The following NRXN3 variants were observed in gnomAD, a reference collection of about 807,000 sequenced individuals.
NRXN3 encodes the protein neurexin 3.
Under a neutral mutation model 137.6 loss-of-function variants are expected in NRXN3, and 32 were observed. The observed-to-expected ratio is 0.23, with a 90% CI of 0.18 to 0.31. The LOEUF (loss-of-function observed/expected upper bound fraction) is 0.31. NRXN3 is among the 10% of genes least tolerant of loss of function. The pLI, the probability that NRXN3 is intolerant of heterozygous loss-of-function variation, is 1.00. For synonymous variants in NRXN3, 798 were observed against 784.5 expected (o/e 1.02, Z -0.29); for missense variants, 1,574 against 2,062.5 (o/e 0.76, Z 4.59).
intron 4 of NRXN3, among the ~76,000 whole-genome samples, chr14:78,490,071 T>C (rs1019353939): frequency 1.6e-4 from 24 of 152,140 alleles, no homozygotes; most frequent in African/African-American, 2.9e-4. Context: ...CATGCCACCA[T>C]GCCTGGCTAA....
chr14:79,016,396 G>A (rs539321926), intron 15 of NRXN3, among the ~76,000 whole-genome samples: 5 of 152,258 alleles, frequency 3.3e-5, no homozygotes, highest in East Asian at 1.9e-4. Context: ...AAGGGAAATC[G>A]TTTTAGATTT....
chr14:78,278,597 C>G (rs2073951407), intron 2 of NRXN3, 48 bp from the exon 3 acceptor site: 1 of 1,482,934 alleles, frequency 6.7e-7, no homozygotes, highest in Non-Finnish European at 9.1e-7. Context: ...TTTTTCTCCC[C>G]TTTTCTCTCC....
intron 4 of NRXN3, among the ~76,000 whole-genome samples, chr14:78,311,917 G>T (rs563765114): frequency 6.6e-6 from 1 of 152,104 alleles, no homozygotes; most frequent in Non-Finnish European, 1.5e-5. Context: ...TCCTTTAGTC[G>T]ATTCCACTGT....
intron 15 of NRXN3, among the ~76,000 whole-genome samples, chr14:79,461,662 C>CT (rs1491560854): frequency 6.6e-6 from 1 of 152,058 alleles, no homozygotes; most frequent in African/African-American, 2.4e-5. Context: ...GTTTTATTAG[C>CT]TACATGGTAA....
At chr14:78,934,221 G>A (rs1306847160) in intron 10 of NRXN3, among the ~76,000 whole-genome samples, 1 of 147,928 alleles carries the variant, frequency 6.8e-6, no homozygotes, top group Non-Finnish European at 1.5e-5. Flanking sequence ...CTAGAATAGA[G>A]ACCCTGCTAA....
intron 9 of NRXN3, among the ~76,000 whole-genome samples, chr14:78,806,345 C>T (rs2098869073): frequency 6.6e-6 from 1 of 152,140 alleles, no homozygotes; most frequent in Non-Finnish European, 1.5e-5. Context: ...GTTCCCTCCC[C>T]AAAATATACC....
Position 79,712,834 on chromosome 14 carries a change from T to C in NRXN3, c.4014+14897T>C, listed in dbSNP as rs1188796921. Among the ~76,000 whole-genome samples, 10 of 152,330 alleles carry C rather than the reference T, an allele frequency of 6.6e-5. 1 individual carries two copies. The South Asian group carries it at 1.9e-3, about 28-fold the overall frequency. ...CACAGCTATCATCCTGCGTCTTCCT[T>C]GCTCGTCATGCTGGAAAATCCCTGG... On this transcript the variant is annotated intron_variant, in intron 19 of 20. Transcript: ENST00000335750.
At chr14:78,574,516 C>T (rs984587119) in intron 4 of NRXN3, among the ~76,000 whole-genome samples, 2 of 152,214 alleles carry the variant, frequency 1.3e-5, no homozygotes, top group African/African-American at 4.8e-5. Flanking sequence ...ATGTTAGACA[C>T]AGAGTCAAAG....
intron 16 of NRXN3, among the ~76,000 whole-genome samples, chr14:79,528,954 G>A (rs2097145703): frequency 6.6e-6 from 1 of 151,924 alleles, no homozygotes; most frequent in East Asian, 1.9e-4. Flanking sequence ...TGTATGTCTC[G>A]GTCTTCTCTT....
At chr14:79,444,010 G>T (rs2096012710) in intron 15 of NRXN3, among the ~76,000 whole-genome samples, 1 of 152,168 alleles carries the variant, frequency 6.6e-6, no homozygotes, top group Admixed American at 6.6e-5. Flanking sequence ...GAAAGTAGTT[G>T]TTGGCACTGG....
At chr14:79,845,748 C>G (rs112315737) in intron 20 of NRXN3, among the ~76,000 whole-genome samples, 3 of 29,848 alleles carry the variant, frequency 1.0e-4, no homozygotes, top group East Asian at 7.4e-4. Flanking sequence ...GAGAGGGAGA[C>G]GGGGAGAGAG....
chr14:79,404,177 A>G (rs146465754), intron 15 of NRXN3, among the ~76,000 whole-genome samples: 15 of 152,328 alleles, frequency 9.8e-5, no homozygotes, highest in Non-Finnish European at 1.5e-4. Context: ...AACCTACACA[A>G]CGGGAGAGAA....
chr14:78,988,173 T>A (rs1567910682), intron 15 of NRXN3, 32 bp downstream of exon 15: 1 of 1,613,092 alleles, frequency 6.2e-7, no homozygotes, highest in East Asian at 2.2e-5. Flanking sequence ...ACTGGAACTT[T>A]GTGAAGATGT....
At chr14:79,311,710 G>A (rs2087343174) in intron 15 of NRXN3, among the ~76,000 whole-genome samples, 1 of 97,502 alleles carries the variant, frequency 1.0e-5, no homozygotes, top group Admixed American at 1.4e-4. Context: ...AGATTTTCTA[G>A]TTTATTTGCG....
At chr14:79,242,855 C>T (rs2074527718) in intron 15 of NRXN3, among the ~76,000 whole-genome samples, 1 of 152,126 alleles carries the variant, frequency 6.6e-6, no homozygotes, top group East Asian at 1.9e-4. Context: ...TATGCTGAGG[C>T]ATAACAGTGG....
intron 15 of NRXN3, among the ~76,000 whole-genome samples, chr14:79,049,841 C>T (rs956040901): frequency 1.3e-5 from 2 of 151,636 alleles, no homozygotes; most frequent in African/African-American, 2.4e-5. Flanking sequence ...TAAATTGTAC[C>T]ACAATTTAAA....
At position 78,410,413 on chromosome 14, in the gene NRXN3, G is replaced by A. The variant is rs750575370; in HGVS notation, c.757+112553G>A. ...TATCAGTATGTCTGCTCTATGCTCA[G>A]GAGTATTCCACAGTGGCTCAGTGGC... On this transcript the variant is annotated intron_variant, in intron 4 of 20. Transcript: ENST00000335750. Among the ~76,000 whole-genome samples the A allele has an allele frequency of 1.1e-4, 16 of 152,290 alleles. No individual in the cohort carries two copies. In the Middle Eastern group the frequency reaches 0.01, roughly 97 times the overall value.
intron 4 of NRXN3, among the ~76,000 whole-genome samples, chr14:78,575,005 G>A (rs527330568): frequency 2.0e-5 from 3 of 152,286 alleles, no homozygotes; most frequent in African/African-American, 7.2e-5. Flanking sequence ...TGAATCATGA[G>A]GGTGGTTTCT....
chr14:78,358,125 T>C (rs1294483595), intron 4 of NRXN3, among the ~76,000 whole-genome samples: 1 of 152,166 alleles, frequency 6.6e-6, no homozygotes, highest in Non-Finnish European at 1.5e-5. Context: ...TTGCTTAAGC[T>C]CTTTGAACCT....
Sources: allele counts gnomAD v4.1 joint callset (sites outside exome capture counted in the v4.1 genomes callset), GRCh38; gene constraint gnomAD v4.1.1; transcripts MANE v1.5; gene names NCBI Gene and HGNC (gene_info 2026-07-23, HGNC 2026-07-21).